The following CSTF2 variants were observed in gnomAD, a reference collection of about 807,000 sequenced individuals.
CSTF2 encodes the protein CF-1 64 kDa subunit.
Under a neutral mutation model 45.4 loss-of-function variants are expected in CSTF2, and 8 were observed. The ratio of observed to expected loss-of-function variants is 0.18; its 90% CI spans 0.10 to 0.32. CSTF2 has a LOEUF of 0.32. Ranked by LOEUF, CSTF2 falls within the 10% of genes least tolerant of loss-of-function variation. The probability of loss-of-function intolerance (pLI) is 1.00; values close to 1 mark genes in which losing one functional copy is unlikely to be tolerated. For missense variants in CSTF2, 253 were observed against 477.1 expected, an observed-to-expected ratio of 0.53 and a Z score of 4.38; for synonymous variants, 155 against 158.9, an observed-to-expected ratio of 0.98 and a Z score of 0.18.
chrX:100,832,765 C>G lies in CSTF2; in HGVS notation c.1063C>G (p.Pro355Ala). Residue 355 changes from proline (P) to alanine (A), a missense_variant, in exon 10 of 14, where the codon CCC (proline) becomes GCC (alanine). By Grantham distance (27) the Pro-to-Ala change is conservative (BLOSUM62 -1). This residue lies in a region of CSTF2 where 200 missense variants were observed against 294.0 expected (regional missense o/e 0.68). Coordinates refer to ENST00000372972, the MANE Select transcript of CSTF2 (RefSeq NM_001325.3). ...GYLGPPHQGP[P>A]MHHVPGHESR... ...CTTGGGACCACCTCATCAGGGTCCACCCATGCACCATGTCCCTGGCCATGA... is the reference window on the plus strand; with the variant it reads ...CTTGGGACCACCTCATCAGGGTCCAGCCATGCACCATGTCCCTGGCCATGA... 1 of 1,211,336 alleles carries G rather than the reference C, an allele frequency of 8.3e-7. No individual in the cohort carries two copies. The highest frequency in any genetic ancestry group is 1.1e-6 in the Non-Finnish European group (1 of 895,256).
chrX:100,829,509 TAC>T (rs767794891), intron 8 of CSTF2, among the ~76,000 whole-genome samples: 32 of 109,726 alleles, frequency 2.9e-4, no homozygotes, highest in Non-Finnish European at 5.3e-4. Flanking sequence ...TATATATATA[TAC>T]ACACACACAC....
At chrX:100,827,262 A>G (rs2084950247) in intron 7 of CSTF2, among the ~76,000 whole-genome samples, 1 of 112,435 alleles carries the variant, frequency 8.9e-6, no homozygotes, top group Admixed American at 9.4e-5. Flanking sequence ...AAACATAATC[A>G]GAACAAACAA....
At position 100,824,232 on chromosome X, in the gene CSTF2, C is replaced by T. The variant is rs754378308; in HGVS notation, c.677C>T (p.Pro226Leu). 1 of 1,209,186 alleles carries T rather than the reference C, an allele frequency of 8.3e-7. No homozygotes were observed. The highest frequency in any genetic ancestry group is 1.1e-6 in the Non-Finnish European group (1 of 894,463). The change falls in exon 6 of 14, where the codon CCT (proline) becomes CTT (leucine). Residue 226 changes from proline to leucine, a missense_variant. Pro to Leu is a moderately conservative substitution (Grantham distance 98). This residue lies in a region of CSTF2 where 200 missense variants were observed against 294.0 expected (regional missense o/e 0.68). Coordinates refer to ENST00000372972, the MANE Select transcript of CSTF2 (RefSeq NM_001325.3). ...AATGTGTCAATGAACCAGCAGAATC[C>T]TCAGGCCCCTCAGGCCCAGTCTTTG... ...GSNVSMNQQN[P>L]QAPQAQSLGG... is the part of the protein sequence containing the mutation.
chrX:100,832,842 C>T lies in CSTF2; in HGVS notation c.1140C>T (p.Pro380=), dbSNP rs61741775. ...TGAGGGGAGGGCCATTACCCGAGCCCAGACCTCTAATGGCAGAACCAAGAG... is the reference window on the plus strand; with the variant it reads ...TGAGGGGAGGGCCATTACCCGAGCCTAGACCTCTAATGGCAGAACCAAGAG... The part of the protein sequence containing the change: ...HELRGGPLPE[P]RPLMAEPRGP... Residue 380 remains proline, a synonymous_variant, in exon 10 of 14, where the codon CCC becomes CCT. Coordinates refer to ENST00000372972, the MANE Select transcript of CSTF2 (RefSeq NM_001325.3). The T allele has an allele frequency of 4.3e-3, 5,172 of 1,207,897 alleles. 146 individuals are homozygous for T. In the African/African-American group the frequency reaches 0.077, roughly 18 times the overall value.
chrX:100,836,893 T>C (rs770605912), intron 11 of CSTF2, among the ~76,000 whole-genome samples: 18 of 112,081 alleles, frequency 1.6e-4, no homozygotes, highest in African/African-American at 5.8e-4. Flanking sequence ...TAGGGCCCTT[T>C]GGGACAAACT....
At chrX:100,826,291 C>CTTTTTTT (rs771545462) in intron 6 of CSTF2, among the ~76,000 whole-genome samples, 2 of 67,975 alleles carry the variant, frequency 2.9e-5, no homozygotes, top group Non-Finnish European at 2.8e-5. Context: ...GGGTTTAGGG[C>CTTTTTTT]TTTTTTTTTT....
Position 100,837,351 on chromosome X carries a change from C to A in CSTF2, c.1513C>A (p.Gln505Lys). Residue 505 changes from glutamine (Q) to lysine (K), a missense_variant, in exon 12 of 14, where the codon CAG (glutamine) becomes AAG (lysine). Physicochemically the swap from Gln to Lys is moderately conservative, Grantham distance 53 (BLOSUM62 1). Coordinates refer to ENST00000372972, the MANE Select transcript of CSTF2 (RefSeq NM_001325.3). ...PQGSRQVPVM[Q>K]GTGMQGASIQ... Reference sequence around the variant, plus strand: ...TTTGTACACATAGGTCCCAGTCATGCAGGGAACAGGAATGCAAGGAGCAAG... The same window carrying A: ...TTTGTACACATAGGTCCCAGTCATGAAGGGAACAGGAATGCAAGGAGCAAG... 1 of 1,205,775 alleles carries A rather than the reference C, an allele frequency of 8.3e-7. No homozygotes were observed. Among genetic ancestry groups the A allele is most frequent in the Non-Finnish European group, 1.1e-6 (1 of 891,951 alleles).
At chrX:100,835,399 TAAACTA>T (rs1421332943) in intron 11 of CSTF2, among the ~76,000 whole-genome samples, 1 of 110,812 alleles carries the variant, frequency 9.0e-6, no homozygotes, top group African/African-American at 3.3e-5. Context: ...GACCACATCT[TAAACTA>T]AAAGGAACCT....
intron 8 of CSTF2, among the ~76,000 whole-genome samples, chrX:100,829,684 A>G (rs1450942418): frequency 1.8e-5 from 2 of 111,371 alleles, no homozygotes; most frequent in Non-Finnish European, 1.9e-5. Context: ...TAAGCATCCA[A>G]TGCTTTTGTG....
rs1288605250 is a variant in CSTF2, at chrX:100,823,814, A to AG, written c.445-68dup. 9.3e-6 allele frequency: 10 copies of AG among 1,074,281 alleles called. No individual in the cohort carries two copies. In the East Asian group the frequency reaches 3.0e-4, roughly 33 times the overall value. 88.5% of individuals were successfully genotyped at this position (1,074,281 alleles called of 1,213,427 possible). On this transcript the variant is annotated intron_variant, in intron 4 of 13. Transcript: ENST00000372972. ...GCCTCTTGAATATTACATTTCTCAG[A>AG]GGGGAATGGCTCTAAATCACTATCA...
chrX:100,830,623 TTTCA>T (rs2084969569), intron 8 of CSTF2, among the ~76,000 whole-genome samples: 1 of 111,774 alleles, frequency 8.9e-6, no homozygotes, highest in Admixed American at 9.4e-5. Context: ...AATGGAACTA[TTTCA>T]GAGACCCAAA....
At chrX:100,828,651 A>G (rs1351595859) in intron 8 of CSTF2, among the ~76,000 whole-genome samples, 1 of 112,233 alleles carries the variant, frequency 8.9e-6, no homozygotes, top group African/African-American at 3.2e-5. Flanking sequence ...CTGTACTGCT[A>G]TATACAACAG....
At chrX:100,822,140 A>C in intron 2 of CSTF2, 111 bp from the exon 3 acceptor site, 5 of 520,571 alleles carry the variant, frequency 9.6e-6, no homozygotes, top group Non-Finnish European at 1.5e-5. Context: ...TGAGGCTGTC[A>C]GAGATATAAG....
At chrX:100,825,225 C>G (rs768332239) in intron 6 of CSTF2, among the ~76,000 whole-genome samples, 3 of 111,861 alleles carry the variant, frequency 2.7e-5, no homozygotes, top group Non-Finnish European at 3.8e-5. Context: ...GAAGACCGTA[C>G]AGGCCATTGG....
chrX:100,833,142 G>T (rs1454434949), intron 10 of CSTF2, 38 bp from the exon 11 acceptor site: 1 of 1,170,042 alleles, frequency 8.5e-7, no homozygotes, highest in Non-Finnish European at 1.2e-6. Context: ...GTACATGCAA[G>T]TAGCTACATA....
At chrX:100,839,482 A>C (rs946197492) in intron 13 of CSTF2, among the ~76,000 whole-genome samples, 5 of 111,643 alleles carry the variant, frequency 4.5e-5, no homozygotes, top group Non-Finnish European at 9.4e-5. Context: ...TATAATTCCT[A>C]TTCTTATGTT....
chrX:100,826,240 T>C (rs1463338897), intron 6 of CSTF2, among the ~76,000 whole-genome samples: 1 of 109,787 alleles, frequency 9.1e-6, no homozygotes, highest in African/African-American at 3.3e-5. Flanking sequence ...TACCAGCAGT[T>C]GTTTTTTTTA....
At chrX:100,823,837 T>C (rs374217003) in intron 4 of CSTF2, 49 bp from the exon 5 acceptor site, 13 of 1,168,251 alleles carry the variant, frequency 1.1e-5, no homozygotes, top group Non-Finnish European at 1.4e-5. Flanking sequence ...TAAATCACTA[T>C]CAGTTTCTAA....
intron 1 of CSTF2, 84 bp from the exon 2 acceptor site, chrX:100,821,443 A>T: frequency 3.0e-6 from 2 of 671,289 alleles, no homozygotes; most frequent in Non-Finnish European, 4.8e-6. Flanking sequence ...TTTGAGTCTT[A>T]TATTTGATGA....
Sources: gnomAD v4.1 joint callset for allele counts (sites outside exome capture counted in the v4.1 genomes callset) on GRCh38, gnomAD v4.1.1 for gene constraint, gnomAD v4.1.1 regional missense constraint, MANE v1.5 for transcripts, NCBI Gene and HGNC (gene_info 2026-07-23, HGNC 2026-07-21) for gene names.